Variants in CCDC85A observed in about 807,000 individuals in gnomAD.
The protein encoded by CCDC85A is coiled-coil domain-containing protein 85A.
CCDC85A carries 38 observed loss-of-function variants against 50.2 expected under a neutral mutation model. The ratio of observed to expected loss-of-function variants is 0.76; its 90% CI spans 0.58 to 0.99. The LOEUF is 0.99. Among genes scored for constraint, CCDC85A ranks in the 50% least tolerant of loss-of-function variants. CCDC85A has a pLI of 0.00. For missense variants in CCDC85A, 820 were observed against 742.0 expected (o/e 1.11, Z -1.22); for synonymous variants, 366 against 301.4 (o/e 1.21, Z -2.22).
intron 1 of CCDC85A, among the ~76,000 whole-genome samples, chr2:56,188,221 A>T (rs929669567): frequency 3.3e-5 from 5 of 152,236 alleles, no homozygotes; most frequent in Non-Finnish European, 7.3e-5. Context: ...AAGCTGGATC[A>T]CAAGGTTATT....
chr2:56,299,828 C>G lies in CCDC85A; in HGVS notation c.1241-43051C>G, dbSNP rs927466658. Among the ~76,000 whole-genome samples the G allele has an allele frequency of 2.0e-5, 3 of 152,172 alleles. No individual in the cohort carries two copies. In the East Asian group the frequency reaches 5.8e-4, roughly 29 times the overall value. On this transcript the variant is annotated intron_variant, in intron 2 of 5. Coordinates refer to ENST00000407595, the MANE Select transcript of CCDC85A (RefSeq NM_001080433.2). Reference sequence around the variant, plus strand: ...TCCTCAGGAAATCAGCTGGTGCTTACCTTCCCCTCCATTCATTTCTTTTTA... The same window carrying G: ...TCCTCAGGAAATCAGCTGGTGCTTAGCTTCCCCTCCATTCATTTCTTTTTA...
At chr2:56,240,425 T>A (rs1464775049) in intron 2 of CCDC85A, among the ~76,000 whole-genome samples, 2 of 152,208 alleles carry the variant, frequency 1.3e-5, no homozygotes, top group Non-Finnish European at 2.9e-5. Context: ...TCTCACTCTG[T>A]GGAGTGTACT....
In CCDC85A at chr2:56,306,115, C is replaced by T. The variant is rs192798519; in HGVS notation, c.1241-36764C>T. Among the ~76,000 whole-genome samples, 37 of 152,086 alleles carry T rather than the reference C, an allele frequency of 2.4e-4. No individual in the cohort carries two copies. The East Asian group carries it at 6.2e-3, about 25-fold the overall frequency. On this transcript the variant is annotated intron_variant, in intron 2 of 5. Transcript: ENST00000407595. ...GTCTCTCCTTTTACTGTAAGTTTTG[C>T]GAAACTTCCAGTGTATGAGATCCTT... is the stretch of plus-strand genomic sequence containing the variant.
Position 56,372,431 on chromosome 2 carries a change from T to G in CCDC85A, c.1405T>G (p.Trp469Gly), listed in dbSNP as rs1170345282. ...WGSRARRVLQ[W>G]WQGCRGIGRC... ...GTCCAGAGCCCGGCGGGTCTTGCAG[T>G]GGTGGCAAGGGTGCCGAGGAATAGG... The change falls in exon 4 of 6, where the codon TGG becomes GGG. Residue 469 changes from tryptophan to glycine, a missense_variant. Transcript: ENST00000407595. 6.2e-7 allele frequency: 1 copy of G among 1,609,210 alleles called. No individual in the cohort carries two copies. The highest frequency in any genetic ancestry group is 8.5e-7 in the Non-Finnish European group (1 of 1,177,704).
At chr2:56,221,830 T>C (rs529559860) in intron 2 of CCDC85A, among the ~76,000 whole-genome samples, 8 of 152,122 alleles carry the variant, frequency 5.3e-5, no homozygotes, top group Non-Finnish European at 1.2e-4. Flanking sequence ...TGTTTTCTGC[T>C]GCTATAATAG....
chr2:56,257,016 A>G (rs1001043525), intron 2 of CCDC85A, among the ~76,000 whole-genome samples: 1 of 152,118 alleles, frequency 6.6e-6, no homozygotes, highest in Non-Finnish European at 1.5e-5. Context: ...ACTGAAGTCC[A>G]TATAGTACTG....
intron 3 of CCDC85A, among the ~76,000 whole-genome samples, chr2:56,348,849 C>T (rs1040478705): frequency 4.6e-5 from 7 of 152,122 alleles, no homozygotes; most frequent in African/African-American, 1.4e-4. Flanking sequence ...ATCGTTTTGC[C>T]TCTTTATCCT....
At position 56,184,326 on chromosome 2, in the gene CCDC85A, G is replaced by T. The variant is rs1013435525; in HGVS notation, c.-299G>T. On this transcript the variant is annotated 5_prime_UTR_variant, in exon 1 of 6. Coordinates refer to ENST00000407595, the MANE Select transcript of CCDC85A (RefSeq NM_001080433.2). Reference sequence around the variant, plus strand: ...CCCGCTGTCCCCGAGGATTTCCCGCGGCAGCCCCGGGCTCCCCAGTGCCCC... The same window carrying T: ...CCCGCTGTCCCCGAGGATTTCCCGCTGCAGCCCCGGGCTCCCCAGTGCCCC... 35 of 548,892 alleles carry T rather than the reference G, an allele frequency of 6.4e-5. No homozygotes were observed. Among genetic ancestry groups the T allele is most frequent in the Non-Finnish European group, 8.5e-5 (34 of 397,702 alleles). 34.0% of individuals were successfully genotyped at this position (548,892 alleles called of 1,614,324 possible).
At chr2:56,323,521 T>A (rs770913952) in intron 2 of CCDC85A, among the ~76,000 whole-genome samples, 4 of 152,128 alleles carry the variant, frequency 2.6e-5, no homozygotes, top group Non-Finnish European at 5.9e-5. Context: ...CCCTGTGGGT[T>A]TGAGAAAGTT....
At chr2:56,215,058 G>A (rs1677334666) in intron 2 of CCDC85A, among the ~76,000 whole-genome samples, 4 of 151,882 alleles carry the variant, frequency 2.6e-5, no homozygotes, top group Admixed American at 2.0e-4. Context: ...TTTCATCAGA[G>A]TTTTGTAGTT....
chr2:56,354,414 C>T (rs1293145680), intron 3 of CCDC85A, among the ~76,000 whole-genome samples: 1 of 152,156 alleles, frequency 6.6e-6, no homozygotes, highest in Admixed American at 6.5e-5. Flanking sequence ...TTGTGATACA[C>T]ATAAAGAATA....
chr2:56,312,604 G>A (rs892026258), intron 2 of CCDC85A, among the ~76,000 whole-genome samples: 5 of 152,080 alleles, frequency 3.3e-5, no homozygotes, highest in African/African-American at 1.2e-4. Context: ...GACCATATCT[G>A]TGATACCTAT....
chr2:56,341,110 G>C (rs531757248), intron 2 of CCDC85A, among the ~76,000 whole-genome samples: 3 of 152,232 alleles, frequency 2.0e-5, no homozygotes, highest in African/African-American at 7.2e-5. Flanking sequence ...TGGGAGGGGA[G>C]CATGTGCAGT....
At chr2:56,348,118 G>A (rs184046201) in intron 3 of CCDC85A, among the ~76,000 whole-genome samples, 1 of 152,310 alleles carries the variant, frequency 6.6e-6, no homozygotes, top group East Asian at 1.9e-4. Context: ...CTAGAGACAT[G>A]AACAAGCAGT....
intron 2 of CCDC85A, among the ~76,000 whole-genome samples, chr2:56,198,957 C>A (rs1216171514): frequency 1.2e-4 from 18 of 152,146 alleles, no homozygotes; most frequent in Admixed American, 1.2e-3. Context: ...ATAAAGTAAA[C>A]CAAGAATCTC....
intron 2 of CCDC85A, among the ~76,000 whole-genome samples, chr2:56,240,979 A>G (rs1044646536): frequency 5.6e-4 from 85 of 152,330 alleles, no homozygotes; most frequent in African/African-American, 1.9e-3. Context: ...ACCATTTTAC[A>G]TTCCTACCAA....
intron 2 of CCDC85A, among the ~76,000 whole-genome samples, chr2:56,275,320 TG>T (rs1670880181): frequency 6.6e-6 from 1 of 152,212 alleles, no homozygotes; most frequent in Non-Finnish European, 1.5e-5. Flanking sequence ...AACTTTTATT[TG>T]TAGTCCTTTG....
chr2:56,373,356 T>G (rs1230149407), intron 4 of CCDC85A, among the ~76,000 whole-genome samples: 1 of 151,848 alleles, frequency 6.6e-6, no homozygotes, highest in East Asian at 1.9e-4. Flanking sequence ...CCCCATCCCA[T>G]TTTTTAAAGA....
At chr2:56,327,709 T>C (rs1012786550) in intron 2 of CCDC85A, among the ~76,000 whole-genome samples, 7 of 150,668 alleles carry the variant, frequency 4.6e-5, no homozygotes, top group African/African-American at 1.7e-4. Flanking sequence ...TCTGTAGGAA[T>C]ACATGGAATA....
Sources: gnomAD v4.1 joint callset for allele counts (sites outside exome capture counted in the v4.1 genomes callset) on GRCh38, gnomAD v4.1.1 for gene constraint, MANE v1.5 for transcripts, NCBI Gene and HGNC (gene_info 2026-07-23, HGNC 2026-07-21) for gene names.